The following PRKD3 variants were observed in gnomAD, a reference collection of about 807,000 sequenced individuals.
The protein encoded by PRKD3 is serine/threonine-protein kinase D3.
Under a neutral mutation model 99.2 loss-of-function variants are expected in PRKD3, and 47 were observed. That is an observed-to-expected ratio of 0.47 (90% CI 0.38 to 0.60). The LOEUF is 0.60. Ranked by LOEUF, PRKD3 falls within the 20% of genes least tolerant of loss-of-function variation. The pLI, the probability that PRKD3 is intolerant of heterozygous loss-of-function variation, is 0.00. For synonymous variants in PRKD3, 392 were observed against 355.4 expected (o/e 1.10, Z -1.16); for missense variants, 1,019 against 1,088.4 (o/e 0.94, Z 0.90).
Position 37,317,081 on chromosome 2 carries a change from C to G in PRKD3, c.-557G>C. 1 of 985,446 alleles carries G rather than the reference C, an allele frequency of 1.0e-6. No individual in the cohort carries two copies. Among genetic ancestry groups the G allele is most frequent in the Non-Finnish European group, 1.2e-6 (1 of 829,982 alleles). 61.0% of individuals were successfully genotyped at this position (985,446 alleles called of 1,614,324 possible). A position where few individuals can be genotyped will look rare whatever the true frequency, so the allele number is the denominator to read the frequency against. On this transcript the variant is annotated 5_prime_UTR_variant, in exon 2 of 19. An upstream open reading frame in the 5' UTR loses its in-frame stop. Coordinates refer to ENST00000234179, the MANE Select transcript of PRKD3 (RefSeq NM_005813.6). The stretch of plus-strand genomic sequence containing the variant: ...TTTCATTCTGGGGGGATGAACTTTT[C>G]TATGACGAAATACAAAGCTTTTTAA...
At chr2:37,253,879 CTCT>C (rs758373324) in intron 18 of PRKD3, among the ~76,000 whole-genome samples, 13 of 152,228 alleles carry the variant, frequency 8.5e-5, no homozygotes, top group Non-Finnish European at 1.9e-4. Context: ...TTTAAAAAAT[CTCT>C]TCAATGCAAA....
Position 37,252,781 on chromosome 2 carries a change from ATATAG to A in PRKD3, c.*391_*395del, listed in dbSNP as rs1667597066. 1 of 151,490 alleles carries A rather than the reference ATATAG, an allele frequency of 6.6e-6. No homozygotes were observed. The highest frequency in any genetic ancestry group is 1.5e-5 in the Non-Finnish European group (1 of 67,886). 9.4% of individuals were successfully genotyped at this position (151,490 alleles called of 1,614,324 possible). The stretch of plus-strand genomic sequence containing the variant: ...AAGTCTTGTATAATTTAGCCAAGCT[ATATAG>A]TAACTGGATGCTAGCTTGACTTGTT... On this transcript the variant is annotated 3_prime_UTR_variant, in exon 19 of 19. Coordinates refer to ENST00000234179, the MANE Select transcript of PRKD3 (RefSeq NM_005813.6).
rs1254063560 is a variant in PRKD3, at chr2:37,290,777, A to C, written c.559+91T>G. The C allele has an allele frequency of 8.4e-5, 116 of 1,387,458 alleles. 1 individual carries two copies. The highest frequency in any genetic ancestry group is 1.1e-4 in the Non-Finnish European group (111 of 1,013,268). The allele number at this position is 1,387,458 out of a possible 1,614,324, so 85.9% of individuals were successfully genotyped here. A position where few individuals can be genotyped will look rare whatever the true frequency, so the allele number is the denominator to read the frequency against. ...CTAAATCCTCGTTACCACCCTAGTC[A>C]ACAGCTCGTCATCTTGCTTTTTCAC... On this transcript the variant is annotated intron_variant, in intron 4 of 18. Transcript: ENST00000234179.
chr2:37,312,081 A>T (rs945086826), intron 2 of PRKD3, among the ~76,000 whole-genome samples: 2 of 152,194 alleles, frequency 1.3e-5, no homozygotes, highest in Admixed American at 1.3e-4. Flanking sequence ...CATAAATATG[A>T]CAAAACAAGC....
chr2:37,285,086 T>C (rs984250728), intron 6 of PRKD3, among the ~76,000 whole-genome samples: 1 of 152,152 alleles, frequency 6.6e-6, no homozygotes, highest in East Asian at 1.9e-4. Flanking sequence ...CAAATACTTC[T>C]ACTATATAAA....
chr2:37,312,363 T>A (rs1396053138), intron 2 of PRKD3, among the ~76,000 whole-genome samples: 1 of 152,184 alleles, frequency 6.6e-6, no homozygotes, highest in Admixed American at 6.5e-5. Flanking sequence ...TTTCCAATAG[T>A]AGGCTGGGAG....
chr2:37,254,103 TTTA>T (rs757353452), intron 18 of PRKD3, 98 bp downstream of exon 18: 2 of 849,310 alleles, frequency 2.4e-6, no homozygotes, highest in Non-Finnish European at 3.9e-6. Context: ...TAAGAGCACT[TTTA>T]TTATTCTGCT....
Position 37,256,707 on chromosome 2 carries a change from C to T in PRKD3, c.2368G>A (p.Ala790Thr), listed in dbSNP as rs775563833. 8 of 1,568,532 alleles carry T rather than the reference C, an allele frequency of 5.1e-6. No homozygotes were observed. Among genetic ancestry groups the T allele is most frequent in the Non-Finnish European group, 6.9e-6 (8 of 1,158,230 alleles). ...EDINDQIQNAAFMYPPNPWRE... is the reference protein window; with the variant it reads ...EDINDQIQNATFMYPPNPWRE... ...CATGGATTTGGTGGGTACATAAATGCAGCATTTTGGATTTGGTCATTTATA... is the reference window on the plus strand; with the variant it reads ...CATGGATTTGGTGGGTACATAAATGTAGCATTTTGGATTTGGTCATTTATA... Residue 790 changes from alanine (A) to threonine (T), a missense_variant, in exon 17 of 19, where the codon GCA (alanine) becomes ACA (threonine). Transcript: ENST00000234179.
At position 37,253,237 on chromosome 2, in the gene PRKD3, A is replaced by G. The variant is rs764575353; in HGVS notation, c.2613T>C (p.Leu871=). Residue 871 remains leucine (L), a synonymous_variant, in exon 19 of 19, where the codon CTT becomes CTC. Coordinates refer to ENST00000234179, the MANE Select transcript of PRKD3 (RefSeq NM_005813.6). ...RWEIHAYTHN[L]VYPKHFIMAP... is the part of the protein sequence containing the mutation. ...CCATAATGAAGTGCTTTGGGTATAC[A>G]AGGTTATGTGTGTATGCATGTATTT... 1.9e-6 allele frequency: 3 copies of G among 1,612,646 alleles called. No individual in the cohort carries two copies. The highest frequency in any genetic ancestry group is 2.5e-6 in the Non-Finnish European group (3 of 1,178,972).
At chr2:37,291,627 G>A (rs975808192) in intron 3 of PRKD3, among the ~76,000 whole-genome samples, 6 of 152,206 alleles carry the variant, frequency 3.9e-5, no homozygotes, top group Non-Finnish European at 5.9e-5. Flanking sequence ...ATGAAGAGGA[G>A]GGCAAGGATT....
At chr2:37,313,537 T>C (rs1279063191) in intron 2 of PRKD3, among the ~76,000 whole-genome samples, 2 of 152,112 alleles carry the variant, frequency 1.3e-5, no homozygotes, top group African/African-American at 4.8e-5. Flanking sequence ...AAAGCAGAAG[T>C]TGACAGAGTG....
intron 2 of PRKD3, among the ~76,000 whole-genome samples, chr2:37,293,741 T>A (rs948443465): frequency 6.6e-6 from 1 of 152,224 alleles, no homozygotes; most frequent in African/African-American, 2.4e-5. Context: ...GTCACCTGCC[T>A]GCATCAAATG....
At chr2:37,275,949 A>G (rs1225433445) in intron 9 of PRKD3, 105 bp from the exon 10 acceptor site, 17 of 1,396,364 alleles carry the variant, frequency 1.2e-5, no homozygotes, top group African/African-American at 1.5e-5. Flanking sequence ...GTATTTTTGA[A>G]TAACTTTAAG....
chr2:37,259,242 T>G (rs374304805), intron 16 of PRKD3, among the ~76,000 whole-genome samples: 1 of 152,234 alleles, frequency 6.6e-6, no homozygotes, highest in East Asian at 1.9e-4. Flanking sequence ...ATCTCCCATT[T>G]CCAGTAACAC....
chr2:37,266,933 C>T (rs1468822019), intron 14 of PRKD3, among the ~76,000 whole-genome samples: 1 of 152,156 alleles, frequency 6.6e-6, no homozygotes, highest in African/African-American at 2.4e-5. Context: ...TGACCGCCCC[C>T]AAGGGGTAAA....
chr2:37,295,163 G>C (rs914579371), intron 2 of PRKD3, among the ~76,000 whole-genome samples: 1 of 152,132 alleles, frequency 6.6e-6, no homozygotes, highest in Non-Finnish European at 1.5e-5. Context: ...TGTCCGGTAA[G>C]TGCAAGATAC....
intron 2 of PRKD3, among the ~76,000 whole-genome samples, chr2:37,300,837 A>G (rs768209382): frequency 1.2e-4 from 18 of 152,214 alleles, no homozygotes; most frequent in Non-Finnish European, 1.8e-4. Context: ...TGCTGGCTCA[A>G]AGAAAACGCA....
intron 8 of PRKD3, 128 bp downstream of exon 8, chr2:37,279,618 A>C (rs1298411308): frequency 1.0e-5 from 6 of 595,482 alleles, no homozygotes; most frequent in Non-Finnish European, 1.5e-5. Flanking sequence ...ATGTAAAAGA[A>C]TTAGCCACAA....
chr2:37,306,338 C>T (rs772179510), intron 2 of PRKD3, among the ~76,000 whole-genome samples: 1 of 152,154 alleles, frequency 6.6e-6, no homozygotes, highest in African/African-American at 2.4e-5. Flanking sequence ...ATTAGTTCTT[C>T]GGGTTTAATC....
Sources: allele counts gnomAD v4.1 joint callset (sites outside exome capture counted in the v4.1 genomes callset), GRCh38; gene constraint gnomAD v4.1.1; transcripts MANE v1.5; gene names NCBI Gene and HGNC (gene_info 2026-07-23, HGNC 2026-07-21).